The following TBC1D5 variants were observed in gnomAD, a reference collection of about 807,000 sequenced individuals.
The protein encoded by TBC1D5 is TBC1 domain family, member 5.
Under a neutral mutation model 100.3 loss-of-function variants are expected in TBC1D5, and 75 were observed. The ratio of observed to expected loss-of-function variants is 0.75; its 90% CI spans 0.62 to 0.91. The LOEUF (loss-of-function observed/expected upper bound fraction) is 0.91. Among genes scored for constraint, TBC1D5 ranks in the 40% least tolerant of loss-of-function variants. The pLI, the probability that TBC1D5 is intolerant of heterozygous loss-of-function variation, is 0.00. For missense variants in TBC1D5, 910 were observed against 942.4 expected (o/e 0.97, Z 0.45); for synonymous variants, 323 against 325.6 (o/e 0.99, Z 0.09).
chr3:17,284,346 G>A (rs1475972458), intron 15 of TBC1D5, among the ~76,000 whole-genome samples: 1 of 152,116 alleles, frequency 6.6e-6, no homozygotes, highest in African/African-American at 2.4e-5. Flanking sequence ...TCGAACTCCT[G>A]ACTTCGAGTG....
rs541869303 is a variant in TBC1D5 at position 17,637,857 on chromosome 3, C to T, written c.-100-13944G>A. Among the ~76,000 whole-genome samples the T allele has an allele frequency of 2.6e-5, 4 of 152,076 alleles. No homozygotes were observed. The South Asian group carries it at 8.3e-4, about 32-fold the overall frequency. On this transcript the variant is annotated intron_variant, in intron 1 of 21. Coordinates refer to ENST00000253692, the Ensembl canonical transcript of TBC1D5. The stretch of plus-strand genomic sequence containing the variant: ...TAAATGCACTTAATCTTTGACCCAA[C>T]AATTTCACTTGTAAAATTTATCCTG...
chr3:17,275,989 T>G (rs560973198), intron 15 of TBC1D5, among the ~76,000 whole-genome samples: 3 of 152,170 alleles, frequency 2.0e-5, no homozygotes, highest in South Asian at 4.2e-4. Context: ...AAGTAAGTTG[T>G]TTTTTTTCCT....
intron 13 of TBC1D5, among the ~76,000 whole-genome samples, chr3:17,339,630 T>C (rs989338730): frequency 2.0e-5 from 3 of 152,368 alleles, no homozygotes; most frequent in Non-Finnish European, 2.9e-5. Flanking sequence ...TATACTGATA[T>C]ATAGAAATCT....
At chr3:17,166,775 T>C (rs1138454) in exon 21 of TBC1D5, 598,864 of 1,603,770 alleles carry the variant, frequency 0.37, 116,122 homozygotes, top group South Asian at 0.41. Context: ...ACCTGTTTAA[T>C]GGCCCCTGAC....
intron 15 of TBC1D5, among the ~76,000 whole-genome samples, chr3:17,259,601 T>C (rs1443406999): frequency 2.0e-5 from 3 of 151,858 alleles, no homozygotes; most frequent in East Asian, 3.8e-4. Context: ...TTGAGATACA[T>C]ATCTGGACAC....
intron 3 of TBC1D5, among the ~76,000 whole-genome samples, chr3:17,433,243 T>G (rs376402316): frequency 6.6e-6 from 1 of 152,154 alleles, no homozygotes; most frequent in African/African-American, 2.4e-5. Context: ...CGGACATGAA[T>G]AGAACATACA....
At chr3:17,471,107 T>G (rs1185341502) in intron 3 of TBC1D5, among the ~76,000 whole-genome samples, 1 of 152,144 alleles carries the variant, frequency 6.6e-6, no homozygotes, top group Non-Finnish European at 1.5e-5. Flanking sequence ...ACATGAAGCC[T>G]AAAACCACTT....
At chr3:17,374,521 T>C (rs1232223226) in exon 12 of TBC1D5, 4 of 1,612,220 alleles carry the variant, frequency 2.5e-6, no homozygotes, top group Admixed American at 1.7e-5. Flanking sequence ...GCAGTTTCCA[T>C]AAGTTGTGAG....
intron 2 of TBC1D5, among the ~76,000 whole-genome samples, chr3:17,573,941 A>G (rs2096642263): frequency 6.6e-6 from 1 of 152,070 alleles, no homozygotes; most frequent in Non-Finnish European, 1.5e-5. Context: ...TTGATCCAGT[A>G]CCGAGAACAC....
intron 13 of TBC1D5, among the ~76,000 whole-genome samples, chr3:17,343,178 C>T (rs7610316): frequency 2.0e-5 from 3 of 150,874 alleles, no homozygotes; most frequent in Admixed American, 6.6e-5. Context: ...TAGCATGAAG[C>T]GTTGTTGAAT....
At chr3:17,529,380 T>C (rs974456457) in intron 2 of TBC1D5, among the ~76,000 whole-genome samples, 9 of 152,178 alleles carry the variant, frequency 5.9e-5, no homozygotes, top group African/African-American at 2.2e-4. Context: ...CACTTCCTTA[T>C]GTGAGGTCTT....
intron 3 of TBC1D5, 106 bp from the exon 4 acceptor site, chr3:17,428,625 C>T: frequency 5.7e-6 from 2 of 351,942 alleles, no homozygotes; most frequent in Non-Finnish European, 1.0e-5. Flanking sequence ...AAGCATACAT[C>T]CTCTCCCCCT....
intron 2 of TBC1D5, among the ~76,000 whole-genome samples, chr3:17,564,071 C>T (rs188868905): frequency 8.5e-5 from 13 of 152,136 alleles, no homozygotes; most frequent in African/African-American, 1.4e-4. Flanking sequence ...CATGAGCCAC[C>T]GTGCCCGGCC....
At chr3:17,680,633 TTG>T (rs1234859505) in intron 1 of TBC1D5, among the ~76,000 whole-genome samples, 1 of 151,386 alleles carries the variant, frequency 6.6e-6, no homozygotes, top group Non-Finnish European at 1.5e-5. Flanking sequence ...TTTATATAAT[TTG>T]TGTGATATTG....
At chr3:17,379,874 TTC>T (rs201405856) in intron 9 of TBC1D5, among the ~76,000 whole-genome samples, 2 of 150,872 alleles carry the variant, frequency 1.3e-5, no homozygotes, top group African/African-American at 2.4e-5. Flanking sequence ...TGATTGTGGT[TTC>T]TCTCTCTCTC....
chr3:17,732,013 G>A (rs1166490537), intron 1 of TBC1D5, among the ~76,000 whole-genome samples: 2 of 152,080 alleles, frequency 1.3e-5, no homozygotes, highest in Non-Finnish European at 2.9e-5. Context: ...TCAGGTTGGA[G>A]GTCTAAGATA....
Position 17,199,532 on chromosome 3 carries a change from G to A in TBC1D5, c.1753-14324C>T, listed in dbSNP as rs147281913. On this transcript the variant is annotated intron_variant, in intron 18 of 21. Transcript: ENST00000253692. ...TACAAATATGCTTCAAACCCAAATGGTTGCTTAGAATCCAACTGAGAACAT... is the reference window on the plus strand; with the variant it reads ...TACAAATATGCTTCAAACCCAAATGATTGCTTAGAATCCAACTGAGAACAT... 2.8e-4 allele frequency among the ~76,000 whole-genome samples: 43 copies of A among 152,298 alleles called. No individual in the cohort carries two copies. The Middle Eastern group carries it at 0.014, about 48-fold the overall frequency.
At chr3:17,739,425 T>C (rs1256227082) in exon 1 of TBC1D5, 1 of 152,182 alleles carries the variant, frequency 6.6e-6, no homozygotes, top group Non-Finnish European at 1.5e-5. Flanking sequence ...ATCGTCCTCA[T>C]TGGCCAAATA....
At chr3:17,393,900 G>A (rs1263862743) in intron 8 of TBC1D5, among the ~76,000 whole-genome samples, 1 of 152,138 alleles carries the variant, frequency 6.6e-6, no homozygotes, top group East Asian at 1.9e-4. Context: ...ATACCATTCA[G>A]GACACAGGCA....
Sources: allele counts gnomAD v4.1 joint callset (sites outside exome capture counted in the v4.1 genomes callset), GRCh38; gene constraint gnomAD v4.1.1; transcripts MANE v1.5; gene names NCBI Gene and HGNC (gene_info 2026-07-23, HGNC 2026-07-21).